Variants in CNTNAP2 observed in about 807,000 individuals in gnomAD.
The protein encoded by CNTNAP2 is contactin associated protein 2, also known as contactin-associated protein-like 2.
CNTNAP2 carries 98 observed loss-of-function variants against 155.2 expected under a neutral mutation model. That is an observed-to-expected ratio of 0.63 (90% CI 0.54 to 0.75). The LOEUF is 0.75. CNTNAP2 is among the 30% of genes least tolerant of loss of function. The pLI is 0.00. For missense variants in CNTNAP2, 1,727 were observed against 1,688.1 expected (o/e 1.02, Z -0.40); for synonymous variants, 651 against 631.2 (o/e 1.03, Z -0.47).
At chr7:146,922,256 A>G (rs532201630) in intron 3 of CNTNAP2, among the ~76,000 whole-genome samples, 1 of 27,242 alleles carries the variant, frequency 3.7e-5, no homozygotes, top group East Asian at 1.1e-3. Flanking sequence ...AGAAAACTTA[A>G]TAAAGGAAAA....
intron 4 of CNTNAP2, among the ~76,000 whole-genome samples, chr7:147,067,930 T>G (rs1164533574): frequency 2.6e-5 from 4 of 152,224 alleles, no homozygotes; most frequent in Non-Finnish European, 2.9e-5. Context: ...ATTTTACTGT[T>G]TTTGTGGACC....
rs1798440572 is a variant in CNTNAP2, at chr7:146,174,427, G to A, written c.97+57454G>A. 2.0e-5 allele frequency among the ~76,000 whole-genome samples: 3 copies of A among 151,942 alleles called. No homozygotes were observed. The South Asian group carries it at 6.2e-4, about 32-fold the overall frequency. On this transcript the variant is annotated intron_variant, in intron 1 of 23. Transcript: ENST00000361727. Reference sequence around the variant, plus strand: ...GTAGAAACAGGGTTTTGCCATATTGGCCAGAGTGGTCTTGAACTCCTGATC... The same window carrying A: ...GTAGAAACAGGGTTTTGCCATATTGACCAGAGTGGTCTTGAACTCCTGATC...
At chr7:146,976,620 C>T (rs1797916618) in intron 3 of CNTNAP2, among the ~76,000 whole-genome samples, 1 of 152,276 alleles carries the variant, frequency 6.6e-6, no homozygotes, top group African/African-American at 2.4e-5. Context: ...AGCTTCCATG[C>T]CCTCTTTGGG....
intron 1 of CNTNAP2, among the ~76,000 whole-genome samples, chr7:146,393,133 C>A (rs1411300363): frequency 6.6e-6 from 1 of 152,116 alleles, no homozygotes; most frequent in African/African-American, 2.4e-5. Context: ...TAGTATTTTT[C>A]CACAGAATGG....
Position 147,163,848 on chromosome 7 carries a change from C to T in CNTNAP2, c.1348+31339C>T, listed in dbSNP as rs554297575. Among the ~76,000 whole-genome samples the T allele has an allele frequency of 3.9e-5, 6 of 152,186 alleles. No individual in the cohort carries two copies. The East Asian group carries it at 1.2e-3, about 29-fold the overall frequency. ...ATTTTCTACATTTTCTGTTTTTGAA[C>T]AAAATCATCTTAGTTTTTCCCAGCA... On this transcript the variant is annotated intron_variant, in intron 8 of 23. Coordinates refer to ENST00000361727, the MANE Select transcript of CNTNAP2 (RefSeq NM_014141.6).
At chr7:147,179,585 A>G (rs1006158743) in intron 8 of CNTNAP2, among the ~76,000 whole-genome samples, 4 of 152,236 alleles carry the variant, frequency 2.6e-5, no homozygotes, top group Non-Finnish European at 5.9e-5. Context: ...CCATTTTGTT[A>G]TCTTTTACAG....
chr7:147,823,720 TAA>T (rs35815165), intron 13 of CNTNAP2, among the ~76,000 whole-genome samples: 52,313 of 147,630 alleles, frequency 0.35, 9,213 homozygotes, highest in Middle Eastern at 0.41. Flanking sequence ...AGCAAGGGCT[TAA>T]AAAAAAAAAA....
intron 15 of CNTNAP2, among the ~76,000 whole-genome samples, chr7:148,082,609 G>A (rs191371588): frequency 2.0e-4 from 31 of 152,224 alleles, no homozygotes; most frequent in Admixed American, 1.8e-3. Context: ...TGGGGGATTC[G>A]CAGGTTTAAG....
At chr7:146,198,137 G>A (rs933403127) in intron 1 of CNTNAP2, among the ~76,000 whole-genome samples, 20 of 152,090 alleles carry the variant, frequency 1.3e-4, no homozygotes, top group Admixed American at 7.2e-4. Context: ...ATGACAATTC[G>A]GATTATAACT....
At chr7:148,185,237 G>A (rs1011751842) in intron 18 of CNTNAP2, among the ~76,000 whole-genome samples, 1 of 152,192 alleles carries the variant, frequency 6.6e-6, no homozygotes, top group Non-Finnish European at 1.5e-5. Flanking sequence ...TGTATTCATA[G>A]TCAGCCAACC....
At chr7:147,195,279 T>C (rs1802766423) in intron 8 of CNTNAP2, among the ~76,000 whole-genome samples, 1 of 152,146 alleles carries the variant, frequency 6.6e-6, no homozygotes, top group Non-Finnish European at 1.5e-5. Flanking sequence ...CATTAGTCTA[T>C]ATGTCTGTTT....
At chr7:147,580,895 C>G (rs898069206) in intron 12 of CNTNAP2, among the ~76,000 whole-genome samples, 10 of 152,188 alleles carry the variant, frequency 6.6e-5, no homozygotes, top group African/African-American at 2.4e-4. Context: ...GGATTACAGG[C>G]GTGAGCCAGT....
intron 11 of CNTNAP2, among the ~76,000 whole-genome samples, chr7:147,502,758 T>A (rs929512996): frequency 1.5e-4 from 23 of 151,146 alleles, no homozygotes; most frequent in Non-Finnish European, 3.1e-4. Flanking sequence ...TATATATATA[T>A]AAAACAAATC....
intron 1 of CNTNAP2, among the ~76,000 whole-genome samples, chr7:146,745,981 G>A (rs907048909): frequency 6.6e-6 from 1 of 152,164 alleles, no homozygotes; most frequent in African/African-American, 2.4e-5. Context: ...CTGGCAGTAA[G>A]TCATTACAAT....
rs1798027718 is a variant in CNTNAP2 at position 148,331,764 on chromosome 7, T to TAGAC, written c.3476-51885_3476-51884insAGAC. Reference sequence around the variant, plus strand: ...GGATGGATGGAACGGACGGATGGATTGGATGGATGGAATGGACAGATGGAG... The same window carrying TAGAC: ...GGATGGATGGAACGGACGGATGGATTAGACGGATGGATGGAATGGACAGATGGAG... On this transcript the variant is annotated intron_variant, in intron 21 of 23. Coordinates refer to ENST00000361727, the MANE Select transcript of CNTNAP2 (RefSeq NM_014141.6). 2.2e-5 allele frequency among the ~76,000 whole-genome samples: 3 copies of TAGAC among 135,794 alleles called. 1 individual carries two copies. The highest frequency in any genetic ancestry group is 8.4e-5 in the African/African-American group (3 of 35,564). 89.1% of individuals were successfully genotyped at this position (135,794 alleles called of 152,430 possible).
At chr7:147,806,995 G>C (rs1798101172) in intron 13 of CNTNAP2, among the ~76,000 whole-genome samples, 1 of 152,112 alleles carries the variant, frequency 6.6e-6, no homozygotes, top group African/African-American at 2.4e-5. Flanking sequence ...AACTTGAAGA[G>C]TGGGATTGAA....
intron 3 of CNTNAP2, among the ~76,000 whole-genome samples, chr7:146,978,812 G>C (rs1464364207): frequency 6.6e-6 from 1 of 151,856 alleles, no homozygotes; most frequent in Non-Finnish European, 1.5e-5. Flanking sequence ...AAATAAATAA[G>C]AAAGTGTCCA....
intron 1 of CNTNAP2, among the ~76,000 whole-genome samples, chr7:146,444,662 T>TC (rs1491461573): frequency 2.5e-5 from 3 of 119,772 alleles, no homozygotes; most frequent in African/African-American, 9.4e-5. Flanking sequence ...CCTCTCTCTC[T>TC]TTTTTTTTTT....
chr7:147,559,868 A>T (rs1391774043), intron 11 of CNTNAP2, among the ~76,000 whole-genome samples: 33 of 76,326 alleles, frequency 4.3e-4, no homozygotes, highest in African/African-American at 1.6e-3. Flanking sequence ...CCGATCTTAA[A>T]AAAAAAAAAA....
Sources: gnomAD v4.1 joint callset for allele counts (sites outside exome capture counted in the v4.1 genomes callset) on GRCh38, gnomAD v4.1.1 for gene constraint, MANE v1.5 for transcripts, NCBI Gene and HGNC (gene_info 2026-07-23, HGNC 2026-07-21) for gene names.